NAPEPLD: variants seen among roughly 807,000 people sequenced by gnomAD.
The protein encoded by NAPEPLD is N-acyl phosphatidylethanolamine phospholipase D, also known as N-acyl-phosphatidylethanolamine-hydrolyzing phospholipase D.
NAPEPLD carries 23 observed loss-of-function variants against 38.1 expected under a neutral mutation model. The ratio of observed to expected loss-of-function variants is 0.60; its 90% CI spans 0.43 to 0.86. The LOEUF (loss-of-function observed/expected upper bound fraction) is 0.86, where lower values mean the gene tolerates loss of function less well. Among genes scored for constraint, NAPEPLD ranks in the 40% least tolerant of loss-of-function variants. The probability of loss-of-function intolerance (pLI) is 0.00; values close to 1 mark genes in which losing one functional copy is unlikely to be tolerated. For synonymous variants in NAPEPLD, 147 were observed against 162.0 expected, an observed-to-expected ratio of 0.91 and a Z score of 0.71; for missense variants, 411 against 476.8, an observed-to-expected ratio of 0.86 and a Z score of 1.28.
chr7:103,148,051 A>T, intron 1 of NAPEPLD: 6 of 984,310 alleles, frequency 6.1e-6, no homozygotes, highest in Non-Finnish European at 7.2e-6. Flanking sequence ...TAAAGATTAC[A>T]TAACTTCTTT....
At chr7:103,147,055 T>C (rs1812712830) in intron 1 of NAPEPLD, among the ~76,000 whole-genome samples, 1 of 152,236 alleles carries the variant, frequency 6.6e-6, no homozygotes, top group African/African-American at 2.4e-5. Flanking sequence ...CCTGGGGATA[T>C]ATGAGTTCGT....
At chr7:103,129,878 C>T (rs922728464) in intron 1 of NAPEPLD, among the ~76,000 whole-genome samples, 3 of 152,136 alleles carry the variant, frequency 2.0e-5, no homozygotes, top group Admixed American at 2.0e-4. Context: ...CACATAAACC[C>T]AACATCACAG....
chr7:103,136,391 G>T (rs561772782), intron 1 of NAPEPLD, among the ~76,000 whole-genome samples: 1 of 144,760 alleles, frequency 6.9e-6, no homozygotes, highest in Non-Finnish European at 1.5e-5. Flanking sequence ...GGCTAACATG[G>T]CAAAACCCTG....
chr7:103,124,758 G>A (rs184801173), intron 2 of NAPEPLD, among the ~76,000 whole-genome samples: 7 of 152,290 alleles, frequency 4.6e-5, no homozygotes, highest in African/African-American at 1.7e-4. Flanking sequence ...AATTTGTGAA[G>A]CAAATATTAC....
intron 1 of NAPEPLD, among the ~76,000 whole-genome samples, chr7:103,133,122 T>C (rs1261065952): frequency 6.6e-6 from 1 of 152,202 alleles, no homozygotes; most frequent in Non-Finnish European, 1.5e-5. Flanking sequence ...AGCATGATGG[T>C]TCACAGGGTC....
chr7:103,110,694 C>T (rs1804335879), intron 4 of NAPEPLD, among the ~76,000 whole-genome samples: 1 of 152,220 alleles, frequency 6.6e-6, no homozygotes, highest in African/African-American at 2.4e-5. Flanking sequence ...TCTCTCACCA[C>T]TCCTATTCAA....
rs536752567 is a variant in NAPEPLD, at chr7:103,101,048, A to C, written c.*2381T>G. 6.6e-6 allele frequency: 1 copy of C among 152,352 alleles called. No individual in the cohort carries two copies. Among genetic ancestry groups the C allele is most frequent in the Admixed American group, 6.5e-5 (1 of 15,300 alleles). 9.4% of individuals were successfully genotyped at this position (152,352 alleles called of 1,614,324 possible). On this transcript the variant is annotated 3_prime_UTR_variant, in exon 5 of 5. Transcript: ENST00000465647. ...AATAATGTTAAGGCCATTCATGGAG[A>C]AGAAATACTTAAGCAAGACATACCT... is the stretch of plus-strand genomic sequence containing the variant.
intron 1 of NAPEPLD, among the ~76,000 whole-genome samples, chr7:103,136,209 G>A (rs563651933): frequency 6.6e-6 from 1 of 151,932 alleles, no homozygotes; most frequent in South Asian, 2.1e-4. Flanking sequence ...GGACGTTGCA[G>A]TGGGCTGAGA....
intron 1 of NAPEPLD, among the ~76,000 whole-genome samples, chr7:103,139,466 G>A (rs1426263148): frequency 6.6e-6 from 1 of 152,208 alleles, no homozygotes; most frequent in Non-Finnish European, 1.5e-5. Context: ...TTCTCAAGAT[G>A]GTGAGGAATA....
chr7:103,120,235 A>T lies in NAPEPLD; in HGVS notation c.295-12T>A, dbSNP rs752305194. ...TCTTTGTCTAGTTCCTTTGTGTATA[A>T]AGAAAGCAAGACAAAAGAGTAGTTA... On this transcript the variant is annotated splice_polypyrimidine_tract_variant and intron_variant, in intron 2 of 4. Transcript: ENST00000465647. 6.3e-7 allele frequency: 1 copy of T among 1,598,368 alleles called. No homozygotes were observed. The highest frequency in any genetic ancestry group is 8.5e-7 in the Non-Finnish European group (1 of 1,172,004).
chr7:103,132,107 G>A (rs1809082108), intron 1 of NAPEPLD, among the ~76,000 whole-genome samples: 1 of 152,166 alleles, frequency 6.6e-6, no homozygotes, highest in Admixed American at 6.6e-5. Context: ...AACTCTGATA[G>A]CAGGATTAAA....
chr7:103,135,312 C>T (rs147380063), intron 1 of NAPEPLD, among the ~76,000 whole-genome samples: 54 of 152,274 alleles, frequency 3.5e-4, no homozygotes, highest in African/African-American at 1.1e-3. Flanking sequence ...AATGAAACTA[C>T]GTCAATTCAC....
chr7:103,105,504 A>G (rs17605251), intron 4 of NAPEPLD, among the ~76,000 whole-genome samples: 12,499 of 152,330 alleles, frequency 0.082, 687 homozygotes, highest in South Asian at 0.16. Context: ...ATATGTAGGA[A>G]ATGCACTCAT....
intron 1 of NAPEPLD, among the ~76,000 whole-genome samples, chr7:103,130,255 C>T (rs939357321): frequency 1.3e-5 from 2 of 152,176 alleles, no homozygotes; most frequent in Non-Finnish European, 2.9e-5. Context: ...AGAACCAAAA[C>T]TTTTTTTCCA....
chr7:103,141,345 G>A lies in NAPEPLD; in HGVS notation c.-17+7466C>T. On this transcript the variant is annotated intron_variant, in intron 1 of 4. Coordinates refer to ENST00000465647, the MANE Select transcript of NAPEPLD (RefSeq NM_001122838.3). The stretch of plus-strand genomic sequence containing the variant: ...GCCAGTATGTACACACAAAGGGGCA[G>A]CTTTTATTTCTTGGTCTCTTCCTCC... The A allele has an allele frequency of 9.1e-6, 6 of 659,758 alleles. No individual in the cohort carries two copies. In the Admixed American group the frequency reaches 1.2e-4, roughly 13 times the overall value. 40.9% of individuals were successfully genotyped at this position (659,758 alleles called of 1,614,324 possible).
intron 2 of NAPEPLD, among the ~76,000 whole-genome samples, chr7:103,120,955 T>C (rs917086297): frequency 6.6e-6 from 1 of 152,042 alleles, no homozygotes; most frequent in Non-Finnish European, 1.5e-5. Flanking sequence ...CAAGCAATCA[T>C]CCTGTCTTGC....
At chr7:103,143,667 A>G (rs1811949263) in intron 1 of NAPEPLD, among the ~76,000 whole-genome samples, 1 of 152,196 alleles carries the variant, frequency 6.6e-6, no homozygotes, top group South Asian at 2.1e-4. Context: ...AGCCAGAAGG[A>G]CTTCAGGGCC....
chr7:103,148,179 C>A, intron 1 of NAPEPLD: 1 of 829,882 alleles, frequency 1.2e-6, no homozygotes, highest in African/African-American at 1.9e-5. Flanking sequence ...ATTTGAAGAA[C>A]TGCATCTCAG....
At chr7:103,129,269 A>C in intron 1 of NAPEPLD, 1 of 971,366 alleles carries the variant, frequency 1.0e-6, no homozygotes, top group Non-Finnish European at 1.2e-6. Context: ...GAAAGAAAGA[A>C]GGATGTTTGC....
Sources: allele counts gnomAD v4.1 joint callset (sites outside exome capture counted in the v4.1 genomes callset), GRCh38; gene constraint gnomAD v4.1.1; transcripts MANE v1.5; gene names NCBI Gene and HGNC (gene_info 2026-07-23, HGNC 2026-07-21).